CADM2: variants seen among roughly 807,000 people sequenced by gnomAD.
CADM2 encodes cell adhesion molecule 2.
In CADM2, 12 loss-of-function variants were observed where a neutral mutation model predicts 49.8. The ratio of observed to expected loss-of-function variants is 0.24; its 90% CI spans 0.15 to 0.39. The LOEUF is 0.39. CADM2 is among the 10% of genes least tolerant of loss of function. The pLI is 1.00. For missense variants in CADM2, 378 were observed against 492.3 expected (o/e 0.77, Z 2.20); for synonymous variants, 214 against 175.4 (o/e 1.22, Z -1.74).
At chr3:85,611,688 A>G (rs1459477538) in intron 1 of CADM2, among the ~76,000 whole-genome samples, 1 of 147,128 alleles carries the variant, frequency 6.8e-6, no homozygotes, top group African/African-American at 2.5e-5. Context: ...GAAGATGAGT[A>G]TCAACTCACC....
chr3:85,049,190 T>C (rs1473312329), intron 1 of CADM2, among the ~76,000 whole-genome samples: 1 of 152,078 alleles, frequency 6.6e-6, no homozygotes, highest in Non-Finnish European at 1.5e-5. Context: ...TGCAGTGAAG[T>C]AGTAAAAATG....
chr3:85,855,616 TAAAAC>T (rs1251635338), intron 3 of CADM2, among the ~76,000 whole-genome samples: 702 of 40,760 alleles, frequency 0.017, 37 homozygotes, highest in Middle Eastern at 0.031. Flanking sequence ...TATATATATA[TAAAAC>T]ATATATATAT....
At chr3:85,182,712 CT>C (rs2040966310) in intron 1 of CADM2, among the ~76,000 whole-genome samples, 1 of 152,022 alleles carries the variant, frequency 6.6e-6, no homozygotes, top group Non-Finnish European at 1.5e-5. Context: ...TTGCATGTCT[CT>C]TGTAAATCCA....
intron 1 of CADM2, among the ~76,000 whole-genome samples, chr3:85,723,500 T>A (rs1364810361): frequency 6.6e-6 from 1 of 152,120 alleles, no homozygotes; most frequent in Non-Finnish European, 1.5e-5. Context: ...TTATTGAATA[T>A]GCAGAGAATT....
In CADM2 at chr3:86,013,142, C is replaced by A. The variant is rs777305221; in HGVS notation, c.970+51495C>A. On this transcript the variant is annotated intron_variant, in intron 8 of 9. Coordinates refer to ENST00000383699, the MANE Select transcript of CADM2 (RefSeq NM_001167675.2). The stretch of plus-strand genomic sequence containing the variant: ...TTTGAACAAACCACGTAAGTAGACA[C>A]AGAAAACGAATAAAAGAACTGAGTG... The A allele has an allele frequency of 7.5e-4, 1,004 of 1,342,308 alleles. 1 individual carries two copies. Among genetic ancestry groups the A allele is most frequent in the Non-Finnish European group, 9.8e-4 (917 of 938,326 alleles). The allele number at this position is 1,342,308 out of a possible 1,614,324, so 83.1% of individuals were successfully genotyped here.
chr3:85,114,990 T>C (rs1480518357), intron 1 of CADM2, among the ~76,000 whole-genome samples: 2 of 152,176 alleles, frequency 1.3e-5, no homozygotes, highest in Non-Finnish European at 2.9e-5. Context: ...CAAAGCCCTT[T>C]TACTATTCTC....
rs993561696 is a variant in CADM2, at chr3:85,202,132, T to C, written c.61+242464T>C. Among the ~76,000 whole-genome samples, 4 of 149,004 alleles carry C rather than the reference T, an allele frequency of 2.7e-5. No homozygotes were observed. In the East Asian group the frequency reaches 7.9e-4, roughly 29 times the overall value. ...CTCATCTGTTCAAGTTTTATCATGA[T>C]AAGTTGCAGCAATTCAGTCACATCT... On this transcript the variant is annotated intron_variant, in intron 1 of 9. Coordinates refer to ENST00000383699, the MANE Select transcript of CADM2 (RefSeq NM_001167675.2).
chr3:85,321,645 G>C (rs956165077), intron 1 of CADM2, among the ~76,000 whole-genome samples: 1 of 151,826 alleles, frequency 6.6e-6, no homozygotes, highest in Non-Finnish European at 1.5e-5. Flanking sequence ...TTAACTTTTC[G>C]TAAATTTGGC....
At chr3:85,153,478 T>A (rs1322956305) in intron 1 of CADM2, among the ~76,000 whole-genome samples, 2 of 152,062 alleles carry the variant, frequency 1.3e-5, no homozygotes, top group Non-Finnish European at 2.9e-5. Flanking sequence ...CATTCTGAGA[T>A]CAAACCGCAA....
At chr3:85,943,140 G>A (rs545124844) in intron 7 of CADM2, among the ~76,000 whole-genome samples, 63 of 151,424 alleles carry the variant, frequency 4.2e-4, no homozygotes, top group East Asian at 9.7e-4. Context: ...CTTCTTTTGA[G>A]AAGTGTCTGT....
chr3:85,915,707 A>G (rs930545568), intron 6 of CADM2, among the ~76,000 whole-genome samples: 2 of 152,116 alleles, frequency 1.3e-5, no homozygotes, highest in African/African-American at 4.8e-5. Context: ...AACGAAGAAG[A>G]TGGGTTAATC....
chr3:85,206,311 C>CTTTTT (rs546784330), intron 1 of CADM2, among the ~76,000 whole-genome samples: 2 of 130,260 alleles, frequency 1.5e-5, no homozygotes, highest in African/African-American at 2.8e-5. Context: ...TTTTTCTTTT[C>CTTTTT]TTTTTTTTTT....
chr3:85,781,966 C>G (rs1206043583), intron 2 of CADM2, among the ~76,000 whole-genome samples: 1 of 152,222 alleles, frequency 6.6e-6, no homozygotes, highest in East Asian at 1.9e-4. Flanking sequence ...ATACTGCCAA[C>G]ATTTTTTAGC....
chr3:85,282,386 C>T (rs1576275222), intron 1 of CADM2, among the ~76,000 whole-genome samples: 1 of 149,544 alleles, frequency 6.7e-6, no homozygotes, highest in African/African-American at 2.5e-5. Context: ...CATAGCCTCC[C>T]GAGTAGCTGG....
intron 1 of CADM2, among the ~76,000 whole-genome samples, chr3:85,137,674 T>A (rs765279507): frequency 2.0e-5 from 3 of 152,060 alleles, no homozygotes; most frequent in Non-Finnish European, 4.4e-5. Flanking sequence ...TTTTCTAAGT[T>A]TAGGAAGCCG....
chr3:85,169,101 C>T (rs886205258), intron 1 of CADM2, among the ~76,000 whole-genome samples: 1 of 152,028 alleles, frequency 6.6e-6, no homozygotes, highest in Non-Finnish European at 1.5e-5. Flanking sequence ...TACAGGCGCC[C>T]ACCACCAAGC....
At chr3:85,108,544 T>TA (rs2038335240) in intron 1 of CADM2, among the ~76,000 whole-genome samples, 1 of 152,040 alleles carries the variant, frequency 6.6e-6, no homozygotes, top group African/African-American at 2.4e-5. Context: ...GGTGAGGAGA[T>TA]AGAGTTTCAG....
intron 8 of CADM2, among the ~76,000 whole-genome samples, chr3:85,963,207 G>A (rs1356649007): frequency 6.6e-6 from 1 of 151,932 alleles, no homozygotes; most frequent in Non-Finnish European, 1.5e-5. Context: ...ACAATGAATA[G>A]GCTATTCATG....
intron 1 of CADM2, among the ~76,000 whole-genome samples, chr3:85,368,386 G>A (rs1020441608): frequency 6.6e-6 from 1 of 151,942 alleles, no homozygotes; most frequent in African/African-American, 2.4e-5. Flanking sequence ...TAAGCATTGC[G>A]TGGGCCAATA....
Sources: allele counts gnomAD v4.1 joint callset (sites outside exome capture counted in the v4.1 genomes callset), GRCh38; gene constraint gnomAD v4.1.1; transcripts MANE v1.5; gene names NCBI Gene and HGNC (gene_info 2026-07-23, HGNC 2026-07-21).